The following MAST1 variants were observed in gnomAD, a reference collection of about 807,000 sequenced individuals.
MAST1 encodes microtubule-associated serine/threonine-protein kinase 1.
MAST1 carries 40 observed loss-of-function variants against 124.6 expected under a neutral mutation model. That is an observed-to-expected ratio of 0.32 (90% CI 0.25 to 0.42). The LOEUF is 0.42. MAST1 is among the 10% of genes least tolerant of loss of function. The pLI is 1.00. For synonymous variants in MAST1, 938 were observed against 939.4 expected (o/e 1.00, Z 0.03); for missense variants, 1,558 against 2,181.9 (o/e 0.71, Z 5.70).
chr19:12,866,179 G>T lies in MAST1; in HGVS notation c.2029+77G>T. The T allele has an allele frequency of 6.3e-7, 1 of 1,590,418 alleles. No homozygotes were observed. On this transcript the variant is annotated intron_variant, in intron 17 of 25. Transcript: ENST00000251472. This position sits in a 1 kb window ranked among gnomAD's most constrained non-coding sequence, Gnocchi z 5.2. ...AGGGACCCTGGGGTAAGTAAAGCCTGGGATAGGGCCTGGCTAAGTACCAAG... is the reference window on the plus strand; with the variant it reads ...AGGGACCCTGGGGTAAGTAAAGCCTTGGATAGGGCCTGGCTAAGTACCAAG...
Position 12,864,862 on chromosome 19 carries a change from G to A in MAST1, c.1420G>A (p.Ala474Thr), listed in dbSNP as rs1240868337. The A allele has an allele frequency of 1.8e-5, 29 of 1,614,044 alleles. No homozygotes were observed. Among genetic ancestry groups the A allele is most frequent in the Non-Finnish European group, 2.5e-5 (29 of 1,180,034 alleles). Residue 474 changes from alanine to threonine, a missense_variant, in exon 13 of 26, where the codon GCC (alanine) becomes ACC (threonine). Transcript: ENST00000251472. ...KNIGALPVEM[A>T]RMYFAETVLA... Reference sequence around the variant, plus strand: ...TATTGGAGCGCTGCCCGTAGAGATGGCCCGCATGTACTTTGCTGAGACGGT... The same window carrying A: ...TATTGGAGCGCTGCCCGTAGAGATGACCCGCATGTACTTTGCTGAGACGGT...
chr19:12,873,154 G>C (rs562019731), intron 24 of MAST1, 170 bp from the exon 25 acceptor site: 15 of 642,888 alleles, frequency 2.3e-5, no homozygotes, highest in Non-Finnish European at 3.7e-5. Flanking sequence ...AGTGGGAGGA[G>C]CCAAGCAGCA....
chr19:12,852,529 A>C, intron 10 of MAST1, 134 bp downstream of exon 10: 1 of 832,062 alleles, frequency 1.2e-6, no homozygotes, highest in Non-Finnish European at 2.0e-6. Context: ...TCCCATCCAT[A>C]AAATGGGATT....
In MAST1 at chr19:12,873,709, G is replaced by T. The variant is rs1323054233; in HGVS notation, c.3552G>T (p.Ser1184=). The T allele has an allele frequency of 6.2e-7, 1 of 1,601,842 alleles. No individual in the cohort carries two copies. The highest frequency in any genetic ancestry group is 1.7e-5 in the Admixed American group (1 of 59,650). The stretch of plus-strand genomic sequence containing the variant: ...GGCCCAGCACGCTGCACGGACTGTC[G>T]CCAAAGCTCCATCGCCAGTACCGCT... ...HIRPSTLHGL[S]PKLHRQYRSA... Residue 1184 remains serine (S), a synonymous_variant, in exon 26 of 26, where the codon TCG becomes TCT. Transcript: ENST00000251472.
chr19:12,851,858 C>T (rs1969963391), intron 7 of MAST1, 76 bp from the exon 8 acceptor site: 2 of 1,101,438 alleles, frequency 1.8e-6, no homozygotes, highest in South Asian at 1.4e-5. Context: ...GCAGTATGTA[C>T]TCTGAGGGGC....
At position 12,867,901 on chromosome 19, in the gene MAST1, G is replaced by A. The variant is rs779615136; in HGVS notation, c.2490G>A (p.Ala830=). 6 of 1,604,712 alleles carry A rather than the reference G, an allele frequency of 3.7e-6. No individual in the cohort carries two copies. The Admixed American group carries it at 1.0e-4, about 28-fold the overall frequency. The change falls in exon 20 of 26, where the codon GCG becomes GCA. Residue 830 remains alanine, a synonymous_variant. Coordinates refer to ENST00000251472, the MANE Select transcript of MAST1 (RefSeq NM_014975.3). ...RRPPRPSSDP[A]GSLDARAPKE... ...CTCCCCGGCCCAGCTCCGACCCCGCGGGATCCCTGGATGCACGGGCCCCCA... is the reference window on the plus strand; with the variant it reads ...CTCCCCGGCCCAGCTCCGACCCCGCAGGATCCCTGGATGCACGGGCCCCCA...
intron 7 of MAST1, 32 bp from the exon 8 acceptor site, chr19:12,851,902 T>G: frequency 1.1e-5 from 17 of 1,563,798 alleles, no homozygotes; most frequent in South Asian, 2.3e-5. Flanking sequence ...AGAGTGCCTA[T>G]GAGCCCTGTC....
chr19:12,857,648 A>C (rs1970032055), intron 10 of MAST1, among the ~76,000 whole-genome samples: 1 of 150,260 alleles, frequency 6.7e-6, no homozygotes. Flanking sequence ...TCCTGACCGC[A>C]TGATCCGCCC....
In MAST1 at chr19:12,852,141, C is replaced by T. The variant is rs771015098; in HGVS notation, c.903C>T (p.His301=). ...CLEFNPEEFY[H]LLEAAEGHAK... is the part of the protein sequence containing the mutation. The stretch of plus-strand genomic sequence containing the variant: ...AATTCAACCCCGAGGAGTTCTACCA[C>T]CTGCTGGAGGCGGCCGAAGGACACG... The change falls in exon 9 of 26, where the codon CAC becomes CAT. Residue 301 remains histidine, a synonymous_variant. Transcript: ENST00000251472. 5 of 1,613,834 alleles carry T rather than the reference C, an allele frequency of 3.1e-6. No individual in the cohort carries two copies. In the Admixed American group the frequency reaches 8.3e-5, roughly 27 times the overall value.
rs558696325 is a variant in MAST1 at position 12,861,605 on chromosome 19, G to A, written c.1366+2866G>A. 8.5e-4 allele frequency among the ~76,000 whole-genome samples: 130 copies of A among 152,324 alleles called. 1 individual carries two copies. Among genetic ancestry groups the A allele is most frequent in the African/African-American group, 3.1e-3 (127 of 41,572 alleles). ...GATGAGGAGGGTATTCCAGAGACTG[G>A]AATGGCATTGGATTTCATTCTGAAT... is the stretch of plus-strand genomic sequence containing the variant. On this transcript the variant is annotated intron_variant, in intron 12 of 25. Coordinates refer to ENST00000251472, the MANE Select transcript of MAST1 (RefSeq NM_014975.3).
chr19:12,873,834 T>C lies in MAST1; in HGVS notation c.3677T>C (p.Val1226Ala). ...ASPPPLPGHT[V>A]GSSHTTQSFP... ...CCGCCGCCACTGCCGGGCCACACGGTGGGCAGCTCGCACACTACTCAGAGC... is the reference window on the plus strand; with the variant it reads ...CCGCCGCCACTGCCGGGCCACACGGCGGGCAGCTCGCACACTACTCAGAGC... Residue 1226 changes from valine (V) to alanine (A), a missense_variant, in exon 26 of 26, where the codon GTG (valine) becomes GCG (alanine). Coordinates refer to ENST00000251472, the MANE Select transcript of MAST1 (RefSeq NM_014975.3). The C allele has an allele frequency of 6.3e-7, 1 of 1,591,194 alleles. No individual in the cohort carries two copies. The highest frequency in any genetic ancestry group is 8.5e-7 in the Non-Finnish European group (1 of 1,175,864).
At chr19:12,853,430 C>T (rs1439834992) in intron 10 of MAST1, among the ~76,000 whole-genome samples, 1 of 151,584 alleles carries the variant, frequency 6.6e-6, no homozygotes, top group Non-Finnish European at 1.5e-5. Flanking sequence ...GTGGTGCACC[C>T]CTGTAGTCCC....
In MAST1 at chr19:12,851,939, T is replaced by C. The variant is rs750869890; in HGVS notation, c.780T>C (p.Tyr260=). The part of the protein sequence containing the change: ...ENLEKLLQDA[Y]ERSESLEVAF... The stretch of plus-strand genomic sequence containing the variant: ...CTCTGTGTCCCCTGCCACAGGCCTA[T>C]GAACGCTCTGAGAGCTTGGAGGTGG... Residue 260 remains tyrosine, a synonymous_variant, in exon 8 of 26, where the codon TAT becomes TAC. Transcript: ENST00000251472. The C allele has an allele frequency of 3.7e-5, 59 of 1,613,556 alleles. No individual in the cohort carries two copies. Among genetic ancestry groups the C allele is most frequent in the Non-Finnish European group, 3.6e-5 (42 of 1,179,790 alleles).
intron 24 of MAST1, 119 bp downstream of exon 24, chr19:12,871,291 C>G (rs1055526840): frequency 7.0e-7 from 1 of 1,430,084 alleles, no homozygotes; most frequent in Non-Finnish European, 9.5e-7. Context: ...AAATGACCAA[C>G]AAGCAAAGGG....
chr19:12,874,032 C>A lies in MAST1; in HGVS notation c.3875C>A (p.Pro1292Gln). The change falls in exon 26 of 26, where the codon CCG becomes CAG. Residue 1292 changes from proline to glutamine, a missense_variant. This residue lies in a region of MAST1 where 263 missense variants were observed against 310.9 expected (regional missense o/e 0.85). Coordinates refer to ENST00000251472, the MANE Select transcript of MAST1 (RefSeq NM_014975.3). The surrounding 1 kb of genome is among the most constrained non-coding windows in gnomAD (Gnocchi z 6.6). ...LRKHSLEVGH[P>Q]DFRKDFHGEL... ...AAACACAGCCTCGAGGTGGGCCACCCGGATTTCCGCAAGGACTTCCATGGC... is the reference window on the plus strand; with the variant it reads ...AAACACAGCCTCGAGGTGGGCCACCAGGATTTCCGCAAGGACTTCCATGGC... 1.9e-6 allele frequency: 3 copies of A among 1,605,418 alleles called. No individual in the cohort carries two copies. The highest frequency in any genetic ancestry group is 2.5e-6 in the Non-Finnish European group (3 of 1,178,574).
At position 12,843,726 on chromosome 19, in the gene MAST1, C is replaced by A; in HGVS notation, c.327+119C>A. On this transcript the variant is annotated intron_variant, in intron 4 of 25. Coordinates refer to ENST00000251472, the MANE Select transcript of MAST1 (RefSeq NM_014975.3). This position sits in a 1 kb window ranked among gnomAD's most constrained non-coding sequence, Gnocchi z 4.9. ...GGCTTGATGACAGTTTAGGGCCAGG[C>A]TCAGTGACTCAAGCCTGTAATCCCA... The A allele has an allele frequency of 2.5e-6, 2 of 784,368 alleles. No individual in the cohort carries two copies. The highest frequency in any genetic ancestry group is 4.1e-6 in the Non-Finnish European group (2 of 489,878). The allele number at this position is 784,368 out of a possible 1,614,324, so 48.6% of individuals were successfully genotyped here. A position where few individuals can be genotyped will look rare whatever the true frequency, so the allele number is the denominator to read the frequency against.
rs1382230666 is a variant in MAST1 at position 12,874,772 on chromosome 19, C to T, written c.4615C>T (p.Pro1539Ser). The change falls in exon 26 of 26, where the codon CCT becomes TCT. Residue 1539 changes from proline (P) to serine (S), a missense_variant. By Grantham distance (74) the Pro-to-Ser change is moderately conservative (BLOSUM62 -1). Transcript: ENST00000251472. The surrounding 1 kb of genome is among the most constrained non-coding windows in gnomAD (Gnocchi z 6.6). ...ATCCCTCTTGGGCTCAGGCACCAAG[C>T]CTCAAGTGGGGCTGACCTCCCGGTG... ...PASLLGSGTKPQVGLTSRCPA... is the reference protein window; with the variant it reads ...PASLLGSGTKSQVGLTSRCPA... The T allele has an allele frequency of 6.2e-7, 1 of 1,604,620 alleles. No individual in the cohort carries two copies. Among genetic ancestry groups the T allele is most frequent in the Non-Finnish European group, 8.5e-7 (1 of 1,173,268 alleles).
In MAST1 at chr19:12,841,030, A is replaced by T. The variant is rs774389440; in HGVS notation, c.212A>T (p.Asn71Ile). The T allele has an allele frequency of 5.2e-6, 8 of 1,540,678 alleles. No homozygotes were observed. Among genetic ancestry groups the T allele is most frequent in the African/African-American group, 1.4e-5 (1 of 73,594 alleles). ...GACAGCCCCCGAAACTTCTCCCCCAACACCCCCGCCCACTTCTCGTTTGCC... is the reference window on the plus strand; with the variant it reads ...GACAGCCCCCGAAACTTCTCCCCCATCACCCCCGCCCACTTCTCGTTTGCC... ...PLDSPRNFSP[N>I]TPAHFSFASS... The change falls in exon 3 of 26, where the codon AAC becomes ATC. Residue 71 changes from asparagine to isoleucine, a missense_variant. This residue lies in a region of MAST1 where 57 missense variants were observed against 35.3 expected (regional missense o/e 1.62). Coordinates refer to ENST00000251472, the MANE Select transcript of MAST1 (RefSeq NM_014975.3). The surrounding 1 kb of genome is among the most constrained non-coding windows in gnomAD (Gnocchi z 4.3).
Position 12,868,641 on chromosome 19 carries a change from A to C in MAST1, c.2567-2A>C. ...TCCTAACACACTTGCTTTCTGTTGCAGCTGACCGTCCACGCCCAGGTGACC... is the reference window on the plus strand; with the variant it reads ...TCCTAACACACTTGCTTTCTGTTGCCGCTGACCGTCCACGCCCAGGTGACC... On this transcript the variant is annotated splice_acceptor_variant, in intron 20 of 25. Coordinates refer to ENST00000251472, the MANE Select transcript of MAST1 (RefSeq NM_014975.3). LOFTEE classifies it high-confidence loss of function. 6.3e-7 allele frequency: 1 copy of C among 1,578,356 alleles called. No individual in the cohort carries two copies. The highest frequency in any genetic ancestry group is 8.6e-7 in the Non-Finnish European group (1 of 1,160,394).
Sources: allele counts gnomAD v4.1 joint callset (sites outside exome capture counted in the v4.1 genomes callset), GRCh38; gene constraint gnomAD v4.1.1; regional missense constraint gnomAD v4.1.1; non-coding constraint Gnocchi (gnomAD v3.1); transcripts MANE v1.5; gene names NCBI Gene and HGNC (gene_info 2026-07-23, HGNC 2026-07-21).